The following NAALADL2 variants were observed in gnomAD, a reference collection of about 807,000 sequenced individuals.
The protein encoded by NAALADL2 is N-acetylated alpha-linked acidic dipeptidase like 2, also known as inactive N-acetylated-alpha-linked acidic dipeptidase-like protein 2.
NAALADL2 carries 76 observed loss-of-function variants against 87.2 expected under a neutral mutation model. That is an observed-to-expected ratio of 0.87 (90% CI 0.72 to 1.05). The LOEUF is 1.05. Ranked by LOEUF, NAALADL2 falls within the 50% of genes least tolerant of loss-of-function variation. NAALADL2 has a pLI of 0.00. For synonymous variants in NAALADL2, 354 were observed against 331.0 expected, an observed-to-expected ratio of 1.07 and a Z score of -0.75; for missense variants, 1,089 against 945.8, an observed-to-expected ratio of 1.15 and a Z score of -1.99.
chr3:174,701,277 A>C (rs1288200293), intron 2 of NAALADL2, among the ~76,000 whole-genome samples: 1 of 151,684 alleles, frequency 6.6e-6, no homozygotes, highest in Non-Finnish European at 1.5e-5. Context: ...ATTATATCTC[A>C]TATGAACCTA....
At position 175,207,024 on chromosome 3, in the gene NAALADL2, C is replaced by T. The variant is rs1012177421; in HGVS notation, c.546-26907C>T. 1.1e-4 allele frequency among the ~76,000 whole-genome samples: 17 copies of T among 152,014 alleles called. No individual in the cohort carries two copies. The East Asian group carries it at 2.5e-3, about 22-fold the overall frequency. ...AGATACACACAGAAACACAAGTACA[C>T]GTATAGGATTATATATGCATATTTA... On this transcript the variant is annotated intron_variant, in intron 2 of 13. Transcript: ENST00000454872.
At chr3:174,846,502 TA>T (rs1308739702) in intron 3 of NAALADL2, among the ~76,000 whole-genome samples, 1 of 152,116 alleles carries the variant, frequency 6.6e-6, no homozygotes, top group Non-Finnish European at 1.5e-5. Context: ...TGCCACATAA[TA>T]AAAAAGTAAT....
intron 2 of NAALADL2, among the ~76,000 whole-genome samples, chr3:174,561,649 C>A (rs1713635934): frequency 6.6e-6 from 1 of 152,108 alleles, no homozygotes; most frequent in Admixed American, 6.5e-5. Context: ...TTTGCTGCAA[C>A]TGGATTTGGA....
chr3:174,613,260 T>G (rs1720114624), intron 2 of NAALADL2, among the ~76,000 whole-genome samples: 1 of 144,552 alleles, frequency 6.9e-6, no homozygotes, highest in Non-Finnish European at 1.5e-5. Context: ...TGGTACTGGG[T>G]CTTGCCCAAG....
At chr3:175,031,176 G>A (rs1752755856) in intron 1 of NAALADL2, among the ~76,000 whole-genome samples, 2 of 151,916 alleles carry the variant, frequency 1.3e-5, no homozygotes, top group African/African-American at 4.8e-5. Flanking sequence ...GTGCAGGTTT[G>A]TTACACGGGT....
intron 1 of NAALADL2, among the ~76,000 whole-genome samples, chr3:174,543,470 T>C (rs907980981): frequency 2.6e-5 from 4 of 152,214 alleles, no homozygotes; most frequent in Non-Finnish European, 5.9e-5. Flanking sequence ...TTACCTCTTT[T>C]ACATTTAATT....
intron 1 of NAALADL2, among the ~76,000 whole-genome samples, chr3:174,480,729 G>A (rs970878554): frequency 1.3e-5 from 2 of 152,088 alleles, no homozygotes; most frequent in African/African-American, 4.8e-5. Context: ...GATAGTAAAA[G>A]TGAGAGGAGC....
intron 11 of NAALADL2, among the ~76,000 whole-genome samples, chr3:175,664,282 A>C (rs947630590): frequency 6.6e-6 from 1 of 152,048 alleles, no homozygotes; most frequent in Non-Finnish European, 1.5e-5. Context: ...GTTAGTTTGG[A>C]AAAAACAAAC....
At chr3:174,649,473 C>T (rs922230777) in intron 2 of NAALADL2, among the ~76,000 whole-genome samples, 1 of 151,974 alleles carries the variant, frequency 6.6e-6, no homozygotes, top group Non-Finnish European at 1.5e-5. Context: ...GATTTCTTTG[C>T]TCTTTATTTT....
At chr3:175,056,747 G>A (rs62287680) in intron 1 of NAALADL2, among the ~76,000 whole-genome samples, 4 of 152,286 alleles carry the variant, frequency 2.6e-5, no homozygotes, top group South Asian at 2.1e-4. Context: ...GAGATGGGCC[G>A]AAATAAAGGG....
intron 12 of NAALADL2, among the ~76,000 whole-genome samples, chr3:175,742,999 C>CT (rs113136524): frequency 2.4e-3 from 341 of 143,786 alleles, no homozygotes; most frequent in Admixed American, 3.8e-3. Context: ...AATTCCAAAT[C>CT]TTTTTTTTTT....
intron 11 of NAALADL2, among the ~76,000 whole-genome samples, chr3:175,698,483 T>TTATTTATATATA (rs1553953640): frequency 1.2e-4 from 8 of 67,774 alleles, no homozygotes; most frequent in African/African-American, 7.2e-4. Context: ...GTATATATAT[T>TTATTTATATATA]TATATATATA....
intron 5 of NAALADL2, among the ~76,000 whole-genome samples, chr3:175,405,973 T>C (rs1712280479): frequency 6.6e-6 from 1 of 152,206 alleles, no homozygotes; most frequent in Admixed American, 6.6e-5. Flanking sequence ...GTCCAGGCAG[T>C]GCTAGAAGTG....
chr3:175,197,899 T>A (rs145147792), intron 2 of NAALADL2, among the ~76,000 whole-genome samples: 1 of 152,176 alleles, frequency 6.6e-6, no homozygotes, highest in African/African-American at 2.4e-5. Flanking sequence ...TGGTGAACCC[T>A]GCAACACAGT....
chr3:175,169,177 C>T lies in NAALADL2; in HGVS notation c.546-64754C>T, dbSNP rs112024694. On this transcript the variant is annotated intron_variant, in intron 2 of 13. Coordinates refer to ENST00000454872, the MANE Select transcript of NAALADL2 (RefSeq NM_207015.3). ...GATTTATTTTTAATAATATTGGAGA[C>T]GTATGCTTTCTACAAATGCTTACTT... is the stretch of plus-strand genomic sequence containing the variant. Among the ~76,000 whole-genome samples the T allele has an allele frequency of 9.0e-3, 1,359 of 151,676 alleles. 26 individuals carry two copies. Among genetic ancestry groups the T allele is most frequent in the African/African-American group, 0.031 (1,277 of 41,472 alleles).
chr3:174,601,762 T>C (rs558785229), intron 2 of NAALADL2, among the ~76,000 whole-genome samples: 80 of 152,316 alleles, frequency 5.3e-4, no homozygotes, highest in Non-Finnish European at 1.0e-3. Context: ...TTTGTTGTAG[T>C]AGTTTCTTAG....
intron 6 of NAALADL2, among the ~76,000 whole-genome samples, chr3:175,451,101 G>A (rs1721500695): frequency 6.6e-6 from 1 of 152,118 alleles, no homozygotes; most frequent in Non-Finnish European, 1.5e-5. Flanking sequence ...CCTAAATAAA[G>A]CCTTGTCTGA....
intron 2 of NAALADL2, among the ~76,000 whole-genome samples, chr3:174,599,947 A>G (rs1343525796): frequency 2.6e-5 from 4 of 152,170 alleles, no homozygotes; most frequent in Admixed American, 1.3e-4. Flanking sequence ...AAGGAAAGAA[A>G]TGTTTACAAG....
intron 11 of NAALADL2, among the ~76,000 whole-genome samples, chr3:175,654,733 G>A (rs969004993): frequency 6.6e-6 from 1 of 151,992 alleles, no homozygotes; most frequent in East Asian, 1.9e-4. Context: ...TTTGTGAATG[G>A]CAGGCAAATG....
Sources: allele counts gnomAD v4.1 joint callset (sites outside exome capture counted in the v4.1 genomes callset), GRCh38; gene constraint gnomAD v4.1.1; transcripts MANE v1.5; gene names NCBI Gene and HGNC (gene_info 2026-07-23, HGNC 2026-07-21).